The following CWC22 variants were observed in gnomAD, a reference collection of about 807,000 sequenced individuals.
CWC22 encodes pre-mRNA-splicing factor CWC22 homolog.
A neutral mutation model predicts 117.2 loss-of-function variants in CWC22; 53 were observed. The observed-to-expected ratio is 0.45, with a 90% confidence interval of 0.36 to 0.57. The LOEUF (loss-of-function observed/expected upper bound fraction) is 0.57, where lower values mean the gene tolerates loss of function less well. Ranked by LOEUF, CWC22 falls within the 20% of genes least tolerant of loss-of-function variation. CWC22 has a pLI of 0.00. For missense variants in CWC22, 980 were observed against 1,068.8 expected, an observed-to-expected ratio of 0.92 and a Z score of 1.16; for synonymous variants, 360 against 355.6, an observed-to-expected ratio of 1.01 and a Z score of -0.14.
chr2:179,950,907 C>T lies in CWC22; in HGVS notation c.1837G>A (p.Glu613Lys). The T allele has an allele frequency of 6.4e-7, 1 of 1,571,370 alleles. No homozygotes were observed. Among genetic ancestry groups the T allele is most frequent in the African/African-American group, 1.4e-5 (1 of 73,504 alleles). Residue 613 changes from glutamate (E) to lysine (K), a missense_variant, in exon 18 of 20, where the codon GAA becomes AAA. Coordinates refer to ENST00000410053, the MANE Select transcript of CWC22 (RefSeq NM_020943.3). Reference protein sequence around the residue: ...LKDETLQPFFEGLLPRDNPRN... With the variant: ...LKDETLQPFFKGLLPRDNPRN... ...GGATTATCTCGGGGTAATAATCCTT[C>T]AAAGAATGGCTGCAGAGTTCTAAAA...
chr2:179,954,194 C>A lies in CWC22; in HGVS notation c.1689+11G>T, dbSNP rs906854590. The A allele has an allele frequency of 2.5e-6, 4 of 1,592,696 alleles. No individual in the cohort carries two copies. Among genetic ancestry groups the A allele is most frequent in the Non-Finnish European group, 3.4e-6 (4 of 1,164,966 alleles). On this transcript the variant is annotated intron_variant, in intron 16 of 19. Transcript: ENST00000410053. Reference sequence around the variant, plus strand: ...TAGGAAGGAAGTATAAATATTGACCCATGTACTTACACTCCATGGAAGTGA... The same window carrying A: ...TAGGAAGGAAGTATAAATATTGACCAATGTACTTACACTCCATGGAAGTGA...
chr2:179,955,046 A>G lies in CWC22; in HGVS notation c.1459-12T>C. On this transcript the variant is annotated splice_polypyrimidine_tract_variant and intron_variant, in intron 14 of 19. Transcript: ENST00000410053. The stretch of plus-strand genomic sequence containing the variant: ...TTGCAGAGTTCTTTCTATTTGGGAA[A>G]AAAAATACATTAATGATTCAAAACA... 6.4e-7 allele frequency: 1 copy of G among 1,552,070 alleles called. No homozygotes were observed.
At chr2:179,946,594 T>C (rs1686310723) in intron 19 of CWC22, among the ~76,000 whole-genome samples, 2 of 152,110 alleles carry the variant, frequency 1.3e-5, no homozygotes, top group African/African-American at 4.8e-5. Context: ...GTAAAAATTT[T>C]AGAAAGCGAC....
At chr2:180,005,777 G>C (rs1350348836) in intron 1 of CWC22, among the ~76,000 whole-genome samples, 2 of 152,154 alleles carry the variant, frequency 1.3e-5, no homozygotes, top group African/African-American at 4.8e-5. Flanking sequence ...CTCAAAAAAA[G>C]ACAATACAGT....
At chr2:179,968,202 A>C (rs1293578621) in intron 11 of CWC22, among the ~76,000 whole-genome samples, 1 of 152,230 alleles carries the variant, frequency 6.6e-6, no homozygotes, top group African/African-American at 2.4e-5. Flanking sequence ...GCATGAGTAA[A>C]AGATTTATTT....
intron 4 of CWC22, among the ~76,000 whole-genome samples, chr2:179,983,464 T>C (rs1396032868): frequency 2.6e-5 from 4 of 152,166 alleles, no homozygotes; most frequent in African/African-American, 9.7e-5. Flanking sequence ...TATGGCTGCA[T>C]AGTATTCCAT....
At chr2:180,005,603 A>T (rs560042609) in intron 1 of CWC22, among the ~76,000 whole-genome samples, 1 of 152,164 alleles carries the variant, frequency 6.6e-6, no homozygotes, top group Non-Finnish European at 1.5e-5. Flanking sequence ...ACAAAAAACA[A>T]AAAACAACTG....
At chr2:180,001,526 CGCCAT>C (rs1687851116) in intron 1 of CWC22, among the ~76,000 whole-genome samples, 1 of 152,082 alleles carries the variant, frequency 6.6e-6, no homozygotes, top group Non-Finnish European at 1.5e-5. Context: ...GATGGGGTTT[CGCCAT>C]GTTGGCCAGG....
intron 1 of CWC22, among the ~76,000 whole-genome samples, chr2:180,002,289 AC>A (rs1235764185): frequency 6.6e-6 from 1 of 152,182 alleles, no homozygotes; most frequent in Non-Finnish European, 1.5e-5. Context: ...TACTGATTCT[AC>A]CAAATCTGCC....
At chr2:180,006,379 G>T (rs1462373793) in intron 1 of CWC22, among the ~76,000 whole-genome samples, 1 of 152,192 alleles carries the variant, frequency 6.6e-6, no homozygotes, top group Non-Finnish European at 1.5e-5. Context: ...GAGCTCGTTA[G>T]AGAGGTGGAG....
chr2:179,946,313 T>C (rs539162713), intron 19 of CWC22, among the ~76,000 whole-genome samples: 91 of 151,354 alleles, frequency 6.0e-4, no homozygotes, highest in Admixed American at 1.7e-3. Flanking sequence ...TAGCCAGCTG[T>C]GGTGGCGTCA....
At chr2:179,994,818 G>A (rs978676435) in intron 1 of CWC22, among the ~76,000 whole-genome samples, 4 of 152,134 alleles carry the variant, frequency 2.6e-5, no homozygotes, top group Non-Finnish European at 4.4e-5. Flanking sequence ...GTTTTCAGCT[G>A]GCAAGTTGTC....
At position 179,986,749 on chromosome 2, in the gene CWC22, G is replaced by A; in HGVS notation, c.152C>T (p.Ser51Leu). The A allele has an allele frequency of 6.8e-6, 11 of 1,609,320 alleles. No homozygotes were observed. The highest frequency in any genetic ancestry group is 9.3e-6 in the Non-Finnish European group (11 of 1,177,238). Residue 51 changes from serine to leucine, a missense_variant, in exon 4 of 20, where the codon TCA becomes TTA. By Grantham distance (145) the Ser-to-Leu change is moderately radical (BLOSUM62 -2). Transcript: ENST00000410053. The stretch of plus-strand genomic sequence containing the variant: ...TCCTCTTCTTGAATGCTCATAGTCT[G>A]ATCTGCTGTAATCAAAGTAATCTCT... ...RDRDYFDYSR[S>L]DYEHSRRGRS...
intron 19 of CWC22, among the ~76,000 whole-genome samples, chr2:179,947,266 T>C (rs1230258385): frequency 6.6e-6 from 1 of 152,192 alleles, no homozygotes; most frequent in Non-Finnish European, 1.5e-5. Context: ...GACCTATTTC[T>C]CTGGTTCCTA....
intron 17 of CWC22, 24 bp from the exon 18 acceptor site, chr2:179,950,950 A>C: frequency 7.4e-7 from 1 of 1,357,954 alleles, no homozygotes; most frequent in Non-Finnish European, 1.0e-6. Context: ...AAATAAACAA[A>C]AGAGAACACA....
intron 4 of CWC22, among the ~76,000 whole-genome samples, chr2:179,985,877 A>G (rs964259904): frequency 2.6e-5 from 4 of 152,094 alleles, no homozygotes; most frequent in South Asian, 2.1e-4. Context: ...CTGGGGTCCT[A>G]GAACACATTC....
intron 11 of CWC22, among the ~76,000 whole-genome samples, chr2:179,968,750 T>A (rs974555711): frequency 6.6e-6 from 1 of 151,880 alleles, no homozygotes; most frequent in Non-Finnish European, 1.5e-5. Flanking sequence ...ATATTTTTAG[T>A]AGAGACAGGA....
At chr2:180,006,372 C>T (rs997072343) in intron 1 of CWC22, among the ~76,000 whole-genome samples, 1 of 152,142 alleles carries the variant, frequency 6.6e-6, no homozygotes, top group African/African-American at 2.4e-5. Flanking sequence ...GGACCCAGAG[C>T]TCGTTAGAGA....
At chr2:179,955,742 C>T (rs186280364) in intron 14 of CWC22, among the ~76,000 whole-genome samples, 314 of 152,020 alleles carry the variant, frequency 2.1e-3, no homozygotes, top group African/African-American at 6.9e-3. Context: ...TGGATAAATG[C>T]CCAGTCAAGA....
Sources: allele counts gnomAD v4.1 joint callset (sites outside exome capture counted in the v4.1 genomes callset), GRCh38; gene constraint gnomAD v4.1.1; transcripts MANE v1.5; gene names NCBI Gene and HGNC (gene_info 2026-07-23, HGNC 2026-07-21).